Variants in SIPA1L1 observed in about 807,000 individuals in gnomAD.
SIPA1L1 encodes signal induced proliferation associated 1 like 1.
In SIPA1L1, 26 loss-of-function variants were observed where a neutral mutation model predicts 162.7. The ratio of observed to expected loss-of-function variants is 0.16; its 90% CI spans 0.12 to 0.22. SIPA1L1 has a LOEUF of 0.22. SIPA1L1 is among the 10% of genes least tolerant of loss of function. SIPA1L1 has a pLI of 1.00. For synonymous variants in SIPA1L1, 829 were observed against 837.4 expected (o/e 0.99, Z 0.17); for missense variants, 1,874 against 2,241.0 (o/e 0.84, Z 3.31).
intron 2 of SIPA1L1, among the ~76,000 whole-genome samples, chr14:71,381,847 A>G (rs1595129481): frequency 6.6e-6 from 1 of 152,140 alleles, no homozygotes; most frequent in East Asian, 1.9e-4. Flanking sequence ...CTATCTTTCT[A>G]TGCCTAATTC....
intron 2 of SIPA1L1, among the ~76,000 whole-genome samples, chr14:71,464,311 A>C (rs555595949): frequency 6.6e-6 from 1 of 152,118 alleles, no homozygotes; most frequent in Admixed American, 6.5e-5. Flanking sequence ...CAAATAAACT[A>C]TTAGAACCTT....
intron 2 of SIPA1L1, among the ~76,000 whole-genome samples, chr14:71,457,026 A>C (rs771108388): frequency 2.0e-5 from 3 of 152,136 alleles, no homozygotes; most frequent in Non-Finnish European, 4.4e-5. Context: ...AAGCAATCCT[A>C]CTGCCTTGGC....
chr14:71,391,312 A>G (rs2040736955), intron 2 of SIPA1L1, among the ~76,000 whole-genome samples: 1 of 151,996 alleles, frequency 6.6e-6, no homozygotes, highest in East Asian at 1.9e-4. Flanking sequence ...TCACCGTGTT[A>G]GCCAGGATGG....
chr14:71,462,343 C>G lies in SIPA1L1; in HGVS notation c.-464-50400C>G, dbSNP rs564338826. On this transcript the variant is annotated intron_variant, in intron 2 of 23. Transcript: ENST00000381232. ...TCAAGCACTAGTGGATCTGCTGGGT[C>G]ATATGGCCCAAGTGGCAGAGCAGCT... is the stretch of plus-strand genomic sequence containing the variant. Among the ~76,000 whole-genome samples, 4 of 152,316 alleles carry G rather than the reference C, an allele frequency of 2.6e-5. No individual in the cohort carries two copies. The East Asian group carries it at 5.8e-4, about 22-fold the overall frequency.
At chr14:71,736,596 T>C (rs555991779) in intron 22 of SIPA1L1, among the ~76,000 whole-genome samples, 2 of 152,198 alleles carry the variant, frequency 1.3e-5, no homozygotes, top group East Asian at 1.9e-4. Flanking sequence ...TCATTTGTTA[T>C]GAGTATAGGA....
chr14:71,530,122 G>GT (rs2145300253), intron 4 of SIPA1L1, among the ~76,000 whole-genome samples: 1 of 152,336 alleles, frequency 6.6e-6, no homozygotes, highest in South Asian at 2.1e-4. Context: ...AACAGCCTAA[G>GT]TGATTCACTT....
At chr14:71,407,743 G>A (rs1362631363) in intron 2 of SIPA1L1, among the ~76,000 whole-genome samples, 2 of 152,120 alleles carry the variant, frequency 1.3e-5, no homozygotes, top group African/African-American at 2.4e-5. Flanking sequence ...ATACCATTTT[G>A]TATGTCCTTT....
At chr14:71,359,941 A>C in intron 2 of SIPA1L1, among the ~76,000 whole-genome samples, 1 of 152,188 alleles carries the variant, frequency 6.6e-6, no homozygotes, top group Non-Finnish European at 1.5e-5. Flanking sequence ...TAAGTGGTTT[A>C]AAAGGTTTTT....
At chr14:71,518,452 G>C (rs1284974763) in intron 3 of SIPA1L1, among the ~76,000 whole-genome samples, 1 of 152,166 alleles carries the variant, frequency 6.6e-6, no homozygotes, top group Non-Finnish European at 1.5e-5. Flanking sequence ...TAACCTGGAA[G>C]TCTTACTGTG....
chr14:71,661,027 A>G (rs2043460789), intron 9 of SIPA1L1, among the ~76,000 whole-genome samples: 1 of 152,234 alleles, frequency 6.6e-6, no homozygotes, highest in African/African-American at 2.4e-5. Context: ...TTGTTATAGA[A>G]ACTGAGGGTT....
intron 2 of SIPA1L1, among the ~76,000 whole-genome samples, chr14:71,409,474 G>A (rs1289340496): frequency 6.6e-6 from 1 of 152,138 alleles, no homozygotes; most frequent in Non-Finnish European, 1.5e-5. Context: ...AATAAACATT[G>A]AAGTTAATGG....
chr14:71,699,967 C>A (rs1378040323), intron 14 of SIPA1L1, among the ~76,000 whole-genome samples: 2 of 152,150 alleles, frequency 1.3e-5, no homozygotes, highest in African/African-American at 4.8e-5. Flanking sequence ...GAACAAAGAA[C>A]AATTAAGTTC....
At chr14:71,689,337 T>G (rs992737028) in intron 13 of SIPA1L1, among the ~76,000 whole-genome samples, 1 of 152,206 alleles carries the variant, frequency 6.6e-6, no homozygotes, top group African/African-American at 2.4e-5. Context: ...GCTCTCCAGG[T>G]GGCTTTCTGA....
At chr14:71,565,658 CAT>C (rs2030334497) in intron 4 of SIPA1L1, among the ~76,000 whole-genome samples, 1 of 152,114 alleles carries the variant, frequency 6.6e-6, no homozygotes, top group South Asian at 2.1e-4. Context: ...TAAATATCCA[CAT>C]ATGGTAAGAT....
At chr14:71,493,820 C>G (rs1469831334) in intron 2 of SIPA1L1, among the ~76,000 whole-genome samples, 7 of 152,134 alleles carry the variant, frequency 4.6e-5, no homozygotes, top group Admixed American at 3.9e-4. Context: ...TTTAATTCAG[C>G]AAATATTTGT....
chr14:71,371,091 C>T (rs371825483), intron 2 of SIPA1L1, among the ~76,000 whole-genome samples: 2 of 151,986 alleles, frequency 1.3e-5, no homozygotes, highest in African/African-American at 4.8e-5. Context: ...AACAGGATGA[C>T]CTTGATAAAT....
At chr14:71,335,861 G>T (rs942521384) in intron 2 of SIPA1L1, among the ~76,000 whole-genome samples, 2 of 152,132 alleles carry the variant, frequency 1.3e-5, no homozygotes, top group African/African-American at 4.8e-5. Context: ...TGAACCATAG[G>T]TACCCAGTAT....
intron 5 of SIPA1L1, among the ~76,000 whole-genome samples, chr14:71,610,699 G>A (rs887677873): frequency 6.6e-6 from 1 of 151,726 alleles, no homozygotes; most frequent in African/African-American, 2.4e-5. Flanking sequence ...TTTTAAATAG[G>A]GTTTTCTTTG....
At chr14:71,569,190 T>C (rs557868947) in intron 4 of SIPA1L1, among the ~76,000 whole-genome samples, 1 of 152,160 alleles carries the variant, frequency 6.6e-6, no homozygotes, top group African/African-American at 2.4e-5. Context: ...AGGAGCAGAT[T>C]TGAATGATCA....
Sources: gnomAD v4.1 joint callset for allele counts (sites outside exome capture counted in the v4.1 genomes callset) on GRCh38, gnomAD v4.1.1 for gene constraint, MANE v1.5 for transcripts, NCBI Gene and HGNC (gene_info 2026-07-23, HGNC 2026-07-21) for gene names.